ZFYVE28: variants seen among roughly 807,000 people sequenced by gnomAD.
ZFYVE28 encodes zinc finger FYVE-type containing 28.
In ZFYVE28, 40 loss-of-function variants were observed where a neutral mutation model predicts 82.1. The ratio of observed to expected loss-of-function variants is 0.49; its 90% confidence interval spans 0.38 to 0.63. The LOEUF (loss-of-function observed/expected upper bound fraction) is 0.63. ZFYVE28 is among the 30% of genes least tolerant of loss of function. ZFYVE28 has a pLI of 0.00. For synonymous variants in ZFYVE28, 612 were observed against 546.1 expected, an observed-to-expected ratio of 1.12 and a Z score of -1.68; for missense variants, 1,321 against 1,242.1, an observed-to-expected ratio of 1.06 and a Z score of -0.96.
At position 2,271,153 on chromosome 4, in the gene ZFYVE28, G is replaced by C. The variant is rs541805940; in HGVS notation, c.2532+158C>G. On this transcript the variant is annotated intron_variant, in intron 12 of 12. Coordinates refer to ENST00000290974, the MANE Select transcript of ZFYVE28 (RefSeq NM_020972.3). ...CCAGGTTCCCGTGGTCAAATGCCTG[G>C]AGTCAGAACAGGGCCCGGGACCTCC... The C allele has an allele frequency of 3.1e-5, 25 of 801,934 alleles. No individual in the cohort carries two copies. The African/African-American group carries it at 4.1e-4, about 13-fold the overall frequency. 49.7% of individuals were successfully genotyped at this position (801,934 alleles called of 1,614,324 possible).
chr4:2,387,404 C>T (rs1323719086), intron 1 of ZFYVE28, among the ~76,000 whole-genome samples: 4 of 152,214 alleles, frequency 2.6e-5, no homozygotes, highest in Non-Finnish European at 4.4e-5. Flanking sequence ...TCCTGCCGGC[C>T]GGAAGCAGGA....
At chr4:2,396,947 C>T (rs1013929084) in intron 1 of ZFYVE28, among the ~76,000 whole-genome samples, 2 of 152,210 alleles carry the variant, frequency 1.3e-5, no homozygotes, top group Non-Finnish European at 2.9e-5. Flanking sequence ...CTTCAACGAT[C>T]ACTCTGGCTG....
chr4:2,270,707 G>A lies in ZFYVE28; in HGVS notation c.*18C>T, dbSNP rs377450350. On this transcript the variant is annotated 3_prime_UTR_variant, in exon 13 of 13. Transcript: ENST00000290974. ...GGGTTCCTGGCCCGGGTGGGTTGGGGCTGCCCCTGGCACCACGTCACAGGC... is the reference window on the plus strand; with the variant it reads ...GGGTTCCTGGCCCGGGTGGGTTGGGACTGCCCCTGGCACCACGTCACAGGC... 4.3e-6 allele frequency: 7 copies of A among 1,612,688 alleles called. No homozygotes were observed. The highest frequency in any genetic ancestry group is 5.9e-6 in the Non-Finnish European group (7 of 1,179,804).
chr4:2,270,871 G>C lies in ZFYVE28; in HGVS notation c.2533-15C>G, dbSNP rs765446545. ...GAGCAGAAGATCTGGAATGGGGTTG[G>C]GGCAGTGAGGGTCTGCGGCAGACCA... On this transcript the variant is annotated splice_polypyrimidine_tract_variant and intron_variant, in intron 12 of 12. Coordinates refer to ENST00000290974, the MANE Select transcript of ZFYVE28 (RefSeq NM_020972.3). 4.3e-6 allele frequency: 7 copies of C among 1,611,780 alleles called. No homozygotes were observed. The Middle Eastern group carries it at 7.1e-4, about 164-fold the overall frequency.
chr4:2,321,285 T>C (rs1719036394), intron 6 of ZFYVE28, among the ~76,000 whole-genome samples: 1 of 151,896 alleles, frequency 6.6e-6, no homozygotes, highest in Non-Finnish European at 1.5e-5. Context: ...CAACACCGAG[T>C]CCCTGGGAGC....
At chr4:2,314,686 T>A (rs1717954591) in intron 7 of ZFYVE28, among the ~76,000 whole-genome samples, 1 of 152,216 alleles carries the variant, frequency 6.6e-6, no homozygotes, top group Non-Finnish European at 1.5e-5. Flanking sequence ...ATCATGAATT[T>A]TAGTACTATG....
At chr4:2,313,133 G>A (rs916330225) in intron 7 of ZFYVE28, among the ~76,000 whole-genome samples, 2 of 121,874 alleles carry the variant, frequency 1.6e-5, no homozygotes, top group African/African-American at 6.4e-5. Flanking sequence ...TTTTTTTTTT[G>A]ATACCTGGCT....
Position 2,418,335 on chromosome 4 carries a change from C to A in ZFYVE28, c.-12G>T. 1 of 1,506,684 alleles carries A rather than the reference C, an allele frequency of 6.6e-7. No homozygotes were observed. The highest frequency in any genetic ancestry group is 2.8e-5 in the East Asian group (1 of 35,456). 93.3% of individuals were successfully genotyped at this position (1,506,684 alleles called of 1,614,324 possible). ...AACCTGTTCATCATCGCCGCGCCGGCCCTGGCCGGACTCCGGGCGGCCCTC... is the reference window on the plus strand; with the variant it reads ...AACCTGTTCATCATCGCCGCGCCGGACCTGGCCGGACTCCGGGCGGCCCTC... On this transcript the variant is annotated 5_prime_UTR_variant, in exon 1 of 13. Coordinates refer to ENST00000290974, the MANE Select transcript of ZFYVE28 (RefSeq NM_020972.3). The surrounding 1 kb of genome is among the most constrained non-coding windows in gnomAD (Gnocchi z 4.6).
chr4:2,350,670 C>T (rs954606148), intron 2 of ZFYVE28, among the ~76,000 whole-genome samples: 1 of 152,118 alleles, frequency 6.6e-6, no homozygotes, highest in Non-Finnish European at 1.5e-5. Flanking sequence ...GGACTTTCAG[C>T]CCCCACCCCC....
intron 8 of ZFYVE28, among the ~76,000 whole-genome samples, chr4:2,288,456 C>T (rs919980037): frequency 6.6e-6 from 1 of 152,230 alleles, no homozygotes; most frequent in Non-Finnish European, 1.5e-5. Flanking sequence ...GGAGCAGCAG[C>T]GCCTGCCTCC....
At position 2,335,945 on chromosome 4, in the gene ZFYVE28, T is replaced by G. The variant is rs1721621012; in HGVS notation, c.612-151A>C. ...AGGTGACACATGCCACCCCCAGTCC[T>G]CATATGTGCAAGGGGCTGGGACTGC... On this transcript the variant is annotated intron_variant, in intron 5 of 12. Coordinates refer to ENST00000290974, the MANE Select transcript of ZFYVE28 (RefSeq NM_020972.3). This position sits in a 1 kb window ranked among gnomAD's most constrained non-coding sequence, Gnocchi z 5.8. 1 of 656,784 alleles carries G rather than the reference T, an allele frequency of 1.5e-6. No individual in the cohort carries two copies. The highest frequency in any genetic ancestry group is 1.8e-5 in the African/African-American group (1 of 56,532). 40.7% of individuals were successfully genotyped at this position (656,784 alleles called of 1,614,324 possible).
chr4:2,415,523 A>C (rs1732950984), intron 1 of ZFYVE28, among the ~76,000 whole-genome samples: 1 of 152,032 alleles, frequency 6.6e-6, no homozygotes, highest in Admixed American at 6.6e-5. Context: ...TTTTAAACCA[A>C]AGCAGGAATT....
In ZFYVE28 at chr4:2,320,744, C is replaced by G. The variant is rs1352681691; in HGVS notation, c.702-473G>C. On this transcript the variant is annotated intron_variant, in intron 6 of 12. Transcript: ENST00000290974. The surrounding 1 kb of genome is among the most constrained non-coding windows in gnomAD (Gnocchi z 5.1). ...GAGGCCCGCACGGGTTCCCTTCCTG[C>G]AGCCTGGCCAACGCTCCACAAGCCA... Among the ~76,000 whole-genome samples, 1 of 152,204 alleles carries G rather than the reference C, an allele frequency of 6.6e-6. No homozygotes were observed. The highest frequency in any genetic ancestry group is 2.4e-5 in the African/African-American group (1 of 41,450).
At chr4:2,355,098 C>T (rs913745766) in intron 1 of ZFYVE28, among the ~76,000 whole-genome samples, 2 of 150,432 alleles carry the variant, frequency 1.3e-5, no homozygotes, top group South Asian at 2.1e-4. Context: ...TCCCTTGGCA[C>T]GTGAGGTTCC....
chr4:2,280,058 C>T (rs993622804), intron 8 of ZFYVE28, among the ~76,000 whole-genome samples: 1 of 152,162 alleles, frequency 6.6e-6, no homozygotes, highest in Non-Finnish European at 1.5e-5. Context: ...CTTGTAATCG[C>T]CCAGCAAACT....
chr4:2,318,678 G>A (rs915991410), intron 7 of ZFYVE28, among the ~76,000 whole-genome samples: 3 of 152,122 alleles, frequency 2.0e-5, no homozygotes, highest in Admixed American at 1.3e-4. Context: ...CTGGGTCCCC[G>A]CTGCCTTACC....
chr4:2,285,410 G>C (rs185910923), intron 8 of ZFYVE28: 5 of 152,270 alleles, frequency 3.3e-5, no homozygotes, highest in African/African-American at 1.2e-4. Context: ...CCATGGCGCC[G>C]GCCCCACTGT....
intron 6 of ZFYVE28, chr4:2,330,469 G>A: frequency 9.2e-7 from 1 of 1,081,422 alleles, no homozygotes; most frequent in Non-Finnish European, 1.1e-6. Flanking sequence ...ACATCATAAA[G>A]GAGGGGACAG....
At chr4:2,322,929 C>A (rs2148777) in intron 6 of ZFYVE28, among the ~76,000 whole-genome samples, 6,419 of 152,292 alleles carry the variant, frequency 0.042, 167 homozygotes, top group Admixed American at 0.063. Flanking sequence ...CCCGCGCATA[C>A]ATTTCTTCAT....
Sources: gnomAD v4.1 joint callset for allele counts (sites outside exome capture counted in the v4.1 genomes callset) on GRCh38, gnomAD v4.1.1 for gene constraint, Gnocchi (gnomAD v3.1) non-coding constraint, MANE v1.5 for transcripts, NCBI Gene and HGNC (gene_info 2026-07-23, HGNC 2026-07-21) for gene names.